Variants in HTR2C observed in about 807,000 individuals in gnomAD.
HTR2C encodes the protein 5-hydroxytryptamine receptor 2C.
Under a neutral mutation model 21.0 loss-of-function variants are expected in HTR2C, and 5 were observed. The observed-to-expected ratio is 0.24, with a 90% CI of 0.12 to 0.50. HTR2C has a LOEUF of 0.50. Ranked by LOEUF, HTR2C falls within the 20% of genes least tolerant of loss-of-function variation. The probability of loss-of-function intolerance (pLI) is 0.98; values close to 1 mark genes in which losing one functional copy is unlikely to be tolerated. For synonymous variants in HTR2C, 150 were observed against 145.3 expected (o/e 1.03, Z -0.23); for missense variants, 271 against 371.2 (o/e 0.73, Z 2.22).
intron 2 of HTR2C, among the ~76,000 whole-genome samples, chrX:114,675,612 G>C (rs964491501): frequency 2.7e-5 from 3 of 111,495 alleles, no homozygotes; most frequent in Non-Finnish European, 5.6e-5. Flanking sequence ...TCCAAATTAG[G>C]CACCTTTGGC....
chrX:114,791,083 A>G (rs61027711), intron 4 of HTR2C, among the ~76,000 whole-genome samples: 2,218 of 112,630 alleles, frequency 0.02, 55 homozygotes, highest in African/African-American at 0.067. Context: ...ATCCTTTTAA[A>G]TTCTGAATAA....
intron 1 of HTR2C, among the ~76,000 whole-genome samples, chrX:114,596,306 T>C (rs781794618): frequency 8.9e-6 from 1 of 112,401 alleles, no homozygotes; most frequent in South Asian, 3.6e-4. Flanking sequence ...AATAATATTA[T>C]CCCAAAGTTA....
chrX:114,708,996 C>A (rs1382468359), intron 2 of HTR2C, among the ~76,000 whole-genome samples: 1 of 111,781 alleles, frequency 8.9e-6, no homozygotes, highest in Non-Finnish European at 1.9e-5. Context: ...ATAGCAATAT[C>A]AAAGGCAGTG....
At chrX:114,820,889 T>A (rs1423083130) in intron 4 of HTR2C, among the ~76,000 whole-genome samples, 4 of 111,380 alleles carry the variant, frequency 3.6e-5, no homozygotes, top group African/African-American at 1.3e-4. Context: ...TCAATATCAC[T>A]TTCTGGTTCC....
intron 4 of HTR2C, among the ~76,000 whole-genome samples, chrX:114,785,001 T>G (rs1178421187): frequency 8.9e-6 from 1 of 111,800 alleles, no homozygotes; most frequent in Non-Finnish European, 1.9e-5. Flanking sequence ...TAATTATATC[T>G]GCAAAGACTG....
chrX:114,585,224 G>A (rs1927341251), intron 1 of HTR2C, among the ~76,000 whole-genome samples: 1 of 110,860 alleles, frequency 9.0e-6, no homozygotes, highest in South Asian at 3.9e-4. Context: ...TTTCTGGCGG[G>A]TCTCAGCGAA....
At position 114,907,123 on chromosome X, in the gene HTR2C, G is replaced by C. The variant is rs2071381487; in HGVS notation, c.1085G>C (p.Gly362Ala). 1.2e-5 allele frequency: 14 copies of C among 1,211,378 alleles called. No homozygotes were observed. The highest frequency in any genetic ancestry group is 1.6e-5 in the Non-Finnish European group (14 of 895,375). Residue 362 changes from glycine to alanine, a missense_variant, in exon 6 of 6, where the codon GGA (glycine) becomes GCA (alanine). Around this residue, in one of 5 missense-constraint regions of HTR2C, gnomAD observed 192 missense variants for 247.2 expected, o/e 0.78. Coordinates refer to ENST00000276198, the MANE Select transcript of HTR2C (RefSeq NM_000868.4). ...GTTTGGATTGGCTATGTTTGTTCAGGAATCAATCCTCTGGTGTATACTCTG... is the reference window on the plus strand; with the variant it reads ...GTTTGGATTGGCTATGTTTGTTCAGCAATCAATCCTCTGGTGTATACTCTG... ...VFVWIGYVCS[G>A]INPLVYTLFN... is the part of the protein sequence containing the mutation.
intron 4 of HTR2C, among the ~76,000 whole-genome samples, chrX:114,800,850 AT>A (rs1196824156): frequency 9.0e-6 from 1 of 111,520 alleles, no homozygotes; most frequent in Non-Finnish European, 1.9e-5. Context: ...TTAGCAATTT[AT>A]TTAGCTGTCT....
rs1413237950 is a variant in HTR2C, at chrX:114,731,755, C to T, written c.349+148C>T. The T allele has an allele frequency of 7.0e-6, 3 of 431,653 alleles. No individual in the cohort carries two copies. The African/African-American group carries it at 7.5e-5, about 11-fold the overall frequency. The allele number at this position is 431,653 out of a possible 1,213,427, so 35.6% of individuals were successfully genotyped here. A position where few individuals can be genotyped will look rare whatever the true frequency, so the allele number is the denominator to read the frequency against. On this transcript the variant is annotated intron_variant, in intron 4 of 5. Transcript: ENST00000276198. ...GACAGAAGGAGTTGGATGTATGTAT[C>T]ATATTTATTAAACAAATCAGTAACA...
At chrX:114,707,101 C>T (rs782442611) in intron 2 of HTR2C, among the ~76,000 whole-genome samples, 1 of 111,775 alleles carries the variant, frequency 8.9e-6, no homozygotes, top group African/African-American at 3.2e-5. Flanking sequence ...GCCATCTTAA[C>T]ATCAACTGAG....
chrX:114,714,215 A>C (rs1284929812), intron 2 of HTR2C, among the ~76,000 whole-genome samples: 2 of 111,700 alleles, frequency 1.8e-5, no homozygotes, highest in African/African-American at 6.5e-5. Context: ...TCCATAAATA[A>C]ACAAAATGGT....
At chrX:114,817,189 G>C in intron 4 of HTR2C, among the ~76,000 whole-genome samples, 1 of 110,765 alleles carries the variant, frequency 9.0e-6, no homozygotes, top group East Asian at 2.9e-4. Flanking sequence ...AGTGTATAAT[G>C]CACCTCCTAT....
chrX:114,842,406 A>C (rs1157457950), intron 4 of HTR2C, among the ~76,000 whole-genome samples: 1 of 112,261 alleles, frequency 8.9e-6, no homozygotes, highest in Non-Finnish European at 1.9e-5. Flanking sequence ...TTCTGGTTGG[A>C]GTTTGCCAAA....
chrX:114,811,406 T>C (rs782100461), intron 4 of HTR2C, among the ~76,000 whole-genome samples: 1 of 111,550 alleles, frequency 9.0e-6, no homozygotes, highest in African/African-American at 3.3e-5. Context: ...AAAAGAGATC[T>C]ACATACTCCA....
At chrX:114,785,261 CA>C (rs2070163706) in intron 4 of HTR2C, among the ~76,000 whole-genome samples, 1 of 111,120 alleles carries the variant, frequency 9.0e-6, no homozygotes, top group African/African-American at 3.3e-5. Flanking sequence ...GAAATGAAAG[CA>C]AAATGTCACT....
chrX:114,667,951 T>C, intron 2 of HTR2C, among the ~76,000 whole-genome samples: 1 of 112,155 alleles, frequency 8.9e-6, no homozygotes, highest in Non-Finnish European at 1.9e-5. Flanking sequence ...CATACTTTCT[T>C]CTTATGTATG....
chrX:114,749,546 T>C (rs1309754064), intron 4 of HTR2C, among the ~76,000 whole-genome samples: 4 of 104,275 alleles, frequency 3.8e-5, no homozygotes, highest in Non-Finnish European at 5.8e-5. Context: ...CCCTGAAATA[T>C]GGCAAATAGG....
rs1301122767 is a variant in HTR2C at position 114,743,151 on chromosome X, C to T, written c.349+11544C>T. Among the ~76,000 whole-genome samples, 8 of 84,518 alleles carry T rather than the reference C, an allele frequency of 9.5e-5. No individual in the cohort carries two copies. In the East Asian group the frequency reaches 2.6e-3, roughly 28 times the overall value. 73.4% of individuals were successfully genotyped at this position (84,518 alleles called of 115,157 possible). A position where few individuals can be genotyped will look rare whatever the true frequency, so the allele number is the denominator to read the frequency against. On this transcript the variant is annotated intron_variant, in intron 4 of 5. Coordinates refer to ENST00000276198, the MANE Select transcript of HTR2C (RefSeq NM_000868.4). ...TCATTGTTGGACATTTGGGTTGGTTCCAAGTCTTTGCTATTGTGAATAGTG... is the reference window on the plus strand; with the variant it reads ...TCATTGTTGGACATTTGGGTTGGTTTCAAGTCTTTGCTATTGTGAATAGTG...
intron 2 of HTR2C, among the ~76,000 whole-genome samples, chrX:114,679,434 A>G (rs1931676526): frequency 9.1e-6 from 1 of 109,873 alleles, no homozygotes; most frequent in Non-Finnish European, 1.9e-5. Flanking sequence ...ACGCTCTACC[A>G]TGCCTGGCTA....
Sources: gnomAD v4.1 joint callset for allele counts (sites outside exome capture counted in the v4.1 genomes callset) on GRCh38, gnomAD v4.1.1 for gene constraint, gnomAD v4.1.1 regional missense constraint, MANE v1.5 for transcripts, NCBI Gene and HGNC (gene_info 2026-07-23, HGNC 2026-07-21) for gene names.